Variants in SYNE1 observed in about 807,000 individuals in gnomAD.
SYNE1 encodes nesprin-1.
In SYNE1, 616 loss-of-function variants were observed where a neutral mutation model predicts 1,111.0. That is an observed-to-expected ratio of 0.55 (90% CI 0.52 to 0.59). The LOEUF is 0.59. Ranked by LOEUF, SYNE1 falls within the 20% of genes least tolerant of loss-of-function variation. The pLI, the probability that SYNE1 is intolerant of heterozygous loss-of-function variation, is 0.00. For synonymous variants in SYNE1, 3,855 were observed against 3,825.8 expected, an observed-to-expected ratio of 1.01 and a Z score of -0.28; for missense variants, 10,006 against 10,417.0, an observed-to-expected ratio of 0.96 and a Z score of 1.72.
intron 39 of SYNE1, among the ~76,000 whole-genome samples, chr6:152,423,002 T>C (rs2098291118): frequency 6.6e-6 from 1 of 152,240 alleles, no homozygotes; most frequent in African/African-American, 2.4e-5. Context: ...CTTGCTTCTG[T>C]AGATCTGTAG....
At chr6:152,439,871 G>A (rs2098512439) in intron 32 of SYNE1, among the ~76,000 whole-genome samples, 1 of 152,176 alleles carries the variant, frequency 6.6e-6, no homozygotes, top group Non-Finnish European at 1.5e-5. Flanking sequence ...TGCTTAGAGT[G>A]TCCAAGGTGT....
intron 14 of SYNE1, among the ~76,000 whole-genome samples, chr6:152,481,747 A>G (rs1056415976): frequency 6.6e-6 from 1 of 151,102 alleles, no homozygotes; most frequent in African/African-American, 2.4e-5. Context: ...GACATGGCCC[A>G]GGAAACTGAT....
At chr6:152,428,572 G>A (rs922650064) in intron 36 of SYNE1, among the ~76,000 whole-genome samples, 180 bp from the exon 37 acceptor site, 2 of 152,176 alleles carry the variant, frequency 1.3e-5, no homozygotes, top group Non-Finnish European at 2.9e-5. Flanking sequence ...CAATAGATTA[G>A]TAGGGGGACT....
In SYNE1 at chr6:152,362,151, T is replaced by A. The variant is rs749145734; in HGVS notation, c.10299+19A>T. The stretch of plus-strand genomic sequence containing the variant: ...GAAGCCTGTGAGAAAACACATGGAA[T>A]CTGAAATCCAGCTCTCACCTTGGCT... On this transcript the variant is annotated intron_variant, in intron 64 of 145. Coordinates refer to ENST00000367255, the MANE Select transcript of SYNE1 (RefSeq NM_182961.4). The A allele has an allele frequency of 6.2e-7, 1 of 1,614,204 alleles. No homozygotes were observed. The highest frequency in any genetic ancestry group is 2.2e-5 in the East Asian group (1 of 44,884).
intron 3 of SYNE1, among the ~76,000 whole-genome samples, chr6:152,543,874 G>C (rs1178310743): frequency 6.6e-6 from 1 of 152,096 alleles, no homozygotes; most frequent in Non-Finnish European, 1.5e-5. Context: ...GGAGTAATAG[G>C]CTATATCATG....
At position 152,441,272 on chromosome 6, in the gene SYNE1, TA is replaced by T; in HGVS notation, c.4009-3del. 6.2e-7 allele frequency: 1 copy of T among 1,603,828 alleles called. No individual in the cohort carries two copies. Among genetic ancestry groups the T allele is most frequent in the Non-Finnish European group, 8.5e-7 (1 of 1,173,614 alleles). ...TCGCTCCCATTTTCTTAATGTGACCTAAATTTGAAAAAATAAACAACAAATG... is the reference window on the plus strand; with the variant it reads ...TCGCTCCCATTTTCTTAATGTGACCTAATTTGAAAAAATAAACAACAAATG... On this transcript the variant is annotated splice_polypyrimidine_tract_variant and splice_region_variant and intron_variant, in intron 31 of 145. Coordinates refer to ENST00000367255, the MANE Select transcript of SYNE1 (RefSeq NM_182961.4).
chr6:152,134,339 T>A (rs1436080006), intron 142 of SYNE1: 1 of 152,270 alleles, frequency 6.6e-6, no homozygotes, highest in Non-Finnish European at 1.5e-5. Flanking sequence ...AACTTGATGC[T>A]CAGGTTCATG....
chr6:152,215,588 T>G (rs1218203682), intron 121 of SYNE1, among the ~76,000 whole-genome samples: 3 of 152,236 alleles, frequency 2.0e-5, no homozygotes, highest in Non-Finnish European at 4.4e-5. Context: ...CATTTACGTT[T>G]AATTTGTTCA....
intron 102 of SYNE1, 110 bp downstream of exon 102, chr6:152,256,524 G>T: frequency 1.4e-6 from 2 of 1,412,236 alleles, no homozygotes; most frequent in East Asian, 2.5e-5. Context: ...CTAGTGTTGG[G>T]TCTCATGCTC....
At chr6:152,635,863 C>T (rs1380039812) in intron 2 of SYNE1, among the ~76,000 whole-genome samples, 1 of 152,142 alleles carries the variant, frequency 6.6e-6, no homozygotes, top group Non-Finnish European at 1.5e-5. Flanking sequence ...ACTCTATTTA[C>T]GGAAGGGGGC....
At chr6:152,473,596 C>T (rs977232482) in intron 14 of SYNE1, among the ~76,000 whole-genome samples, 4 of 152,154 alleles carry the variant, frequency 2.6e-5, no homozygotes, top group Non-Finnish European at 5.9e-5. Flanking sequence ...GTCATGTGTG[C>T]CTCAAGGGAG....
At chr6:152,385,943 T>G in intron 54 of SYNE1, 105 bp from the exon 55 acceptor site, 1 of 1,021,942 alleles carries the variant, frequency 9.8e-7, no homozygotes, top group South Asian at 1.4e-5. Context: ...CTCAGAAAAT[T>G]TCATTCTTGT....
intron 40 of SYNE1, among the ~76,000 whole-genome samples, chr6:152,418,684 C>T (rs2098205022): frequency 1.3e-5 from 2 of 152,120 alleles, no homozygotes. Context: ...AGAGCTTTTC[C>T]TGATGCTCCC....
chr6:152,501,900 A>G (rs151296648), intron 10 of SYNE1, among the ~76,000 whole-genome samples: 40 of 152,330 alleles, frequency 2.6e-4, no homozygotes, highest in Non-Finnish European at 5.0e-4. Flanking sequence ...TGTTCATGGA[A>G]GAAGAAAATT....
chr6:152,278,613 C>T (rs893919376), intron 97 of SYNE1, among the ~76,000 whole-genome samples: 1 of 152,120 alleles, frequency 6.6e-6, no homozygotes, highest in South Asian at 2.1e-4. Context: ...CAGGCGCCCA[C>T]CACTATGCCC....
intron 3 of SYNE1, among the ~76,000 whole-genome samples, chr6:152,586,375 A>C (rs1233561130): frequency 6.6e-6 from 1 of 152,092 alleles, no homozygotes; most frequent in Non-Finnish European, 1.5e-5. Flanking sequence ...TCCTCAAAAG[A>C]CTGTGTCAGA....
At chr6:152,521,246 A>ATTTCTATAC in intron 5 of SYNE1, among the ~76,000 whole-genome samples, 1 of 152,132 alleles carries the variant, frequency 6.6e-6, no homozygotes, top group South Asian at 2.1e-4. Flanking sequence ...ATAATGTGCT[A>ATTTCTATAC]TTTCTATACT....
At chr6:152,341,968 A>C (rs938256350) in intron 74 of SYNE1, among the ~76,000 whole-genome samples, 1 of 152,210 alleles carries the variant, frequency 6.6e-6, no homozygotes, top group Non-Finnish European at 1.5e-5. Flanking sequence ...AAACAAAAGA[A>C]ATAACAACAA....
intron 55 of SYNE1, among the ~76,000 whole-genome samples, chr6:152,384,740 G>A (rs77997996): frequency 1.3e-5 from 2 of 151,996 alleles, no homozygotes; most frequent in African/African-American, 4.8e-5. Flanking sequence ...TTAGCCAGAC[G>A]TGGTGGTCAG....
Sources: allele counts gnomAD v4.1 joint callset (sites outside exome capture counted in the v4.1 genomes callset), GRCh38; gene constraint gnomAD v4.1.1; transcripts MANE v1.5; gene names NCBI Gene and HGNC (gene_info 2026-07-23, HGNC 2026-07-21).